The following CDC14A variants were observed in gnomAD, a reference collection of about 807,000 sequenced individuals.
The protein encoded by CDC14A is dual specificity protein phosphatase CDC14A.
A neutral mutation model predicts 74.4 loss-of-function variants in CDC14A; 53 were observed. The ratio of observed to expected loss-of-function variants is 0.71; its 90% CI spans 0.57 to 0.89. The LOEUF is 0.89. Ranked by LOEUF, CDC14A falls within the 40% of genes least tolerant of loss-of-function variation. The pLI is 0.00. For missense variants in CDC14A, 646 were observed against 713.7 expected, an observed-to-expected ratio of 0.91 and a Z score of 1.08; for synonymous variants, 247 against 258.4, an observed-to-expected ratio of 0.96 and a Z score of 0.43.
At position 100,395,280 on chromosome 1, in the gene CDC14A, A is replaced by G. The variant is rs560142135; in HGVS notation, c.309+4456A>G. On this transcript the variant is annotated intron_variant, in intron 4 of 15. Coordinates refer to ENST00000336454, the MANE Select transcript of CDC14A (RefSeq NM_003672.4). ...ATCCAACTGCCTGTTTGATAGCTCC[A>G]TATTATACATCTAAATGATACCTCA... 3.3e-5 allele frequency among the ~76,000 whole-genome samples: 5 copies of G among 152,346 alleles called. No individual in the cohort carries two copies. The South Asian group carries it at 1.0e-3, about 32-fold the overall frequency.
intron 8 of CDC14A, among the ~76,000 whole-genome samples, chr1:100,459,126 C>CACACACAGAGAG (rs1279905046): frequency 6.2e-5 from 9 of 144,576 alleles, no homozygotes; most frequent in African/African-American, 2.3e-4. Flanking sequence ...CACACACACA[C>CACACACAGAGAG]AGAGAGAGAG....
intron 4 of CDC14A, among the ~76,000 whole-genome samples, chr1:100,406,751 C>T (rs1004787545): frequency 1.3e-5 from 2 of 151,804 alleles, no homozygotes; most frequent in African/African-American, 2.4e-5. Context: ...GGTAAAACCC[C>T]GTCTCTACTA....
At chr1:100,368,320 A>G (rs1412179045) in intron 2 of CDC14A, among the ~76,000 whole-genome samples, 4 of 152,242 alleles carry the variant, frequency 2.6e-5, no homozygotes, top group Non-Finnish European at 5.9e-5. Flanking sequence ...TTAAATAGCC[A>G]TGACTAGTGG....
chr1:100,359,294 G>A (rs938354342), intron 2 of CDC14A, among the ~76,000 whole-genome samples: 1 of 152,198 alleles, frequency 6.6e-6, no homozygotes, highest in Non-Finnish European at 1.5e-5. Context: ...ACTTAACAAA[G>A]GAGGAAGTAG....
intron 3 of CDC14A, among the ~76,000 whole-genome samples, chr1:100,378,525 G>A (rs546145981): frequency 7.2e-5 from 11 of 152,178 alleles, no homozygotes; most frequent in African/African-American, 2.4e-4. Flanking sequence ...TTTTTGATTT[G>A]ATTGGTTTTT....
Position 100,495,006 on chromosome 1 carries a change from T to G in CDC14A, c.1250+76T>G, listed in dbSNP as rs1647577988. 1.2e-5 allele frequency: 9 copies of G among 735,614 alleles called. No individual in the cohort carries two copies. The East Asian group carries it at 2.2e-4, about 18-fold the overall frequency. 45.6% of individuals were successfully genotyped at this position (735,614 alleles called of 1,614,324 possible). ...AGAACATTTCATCTTCTCTTTAATC[T>G]GTAATCTTCTGTTTTGAATTTTGTT... is the stretch of plus-strand genomic sequence containing the variant. On this transcript the variant is annotated intron_variant, in intron 12 of 15. Coordinates refer to ENST00000336454, the MANE Select transcript of CDC14A (RefSeq NM_003672.4).
intron 5 of CDC14A, among the ~76,000 whole-genome samples, chr1:100,426,538 A>G (rs971495518): frequency 1.3e-5 from 2 of 152,192 alleles, no homozygotes; most frequent in African/African-American, 4.8e-5. Flanking sequence ...TTTTTCAAAT[A>G]TTTTTCACTC....
At chr1:100,489,997 C>G (rs1437941606) in intron 11 of CDC14A, among the ~76,000 whole-genome samples, 1 of 152,186 alleles carries the variant, frequency 6.6e-6, no homozygotes, top group African/African-American at 2.4e-5. Context: ...GTTCTTTAGT[C>G]ATCATGAAGA....
At chr1:100,440,448 C>T (rs972091013) in intron 6 of CDC14A, among the ~76,000 whole-genome samples, 41 of 152,228 alleles carry the variant, frequency 2.7e-4, no homozygotes, top group African/African-American at 9.4e-4. Context: ...TGATTTGATG[C>T]ACTCCAAAGT....
intron 15 of CDC14A, among the ~76,000 whole-genome samples, chr1:100,507,689 A>G (rs567235780): frequency 1.3e-5 from 2 of 150,888 alleles, no homozygotes; most frequent in Non-Finnish European, 3.0e-5. Context: ...TTTTTTTTTA[A>G]TAGAAGGAGT....
intron 4 of CDC14A, among the ~76,000 whole-genome samples, chr1:100,395,780 A>G (rs756549540): frequency 8.6e-5 from 13 of 152,000 alleles, no homozygotes; most frequent in Non-Finnish European, 1.2e-4. Context: ...GACCCTCTCT[A>G]CCTCTGTGGT....
At position 100,498,111 on chromosome 1, in the gene CDC14A, C is replaced by T. The variant is rs1266006814; in HGVS notation, c.1325C>T (p.Ala442Val). Reference protein sequence around the residue: ...FRLSSSLQGSAVTLKTSKMAL... With the variant: ...FRLSSSLQGSVVTLKTSKMAL... ...TTAAGTTCATCCCTGCAAGGATCTG[C>T]AGTTACTTTGAAGACATCAAAAATG... Residue 442 changes from alanine (A) to valine (V), a missense_variant, in exon 14 of 16, where the codon GCA (alanine) becomes GTA (valine). By Grantham distance (64) the Ala-to-Val change is moderately conservative (BLOSUM62 0). Transcript: ENST00000336454. 1 of 1,614,062 alleles carries T rather than the reference C, an allele frequency of 6.2e-7. No homozygotes were observed.
At chr1:100,456,177 CT>C (rs1314888349) in intron 8 of CDC14A, among the ~76,000 whole-genome samples, 1 of 152,140 alleles carries the variant, frequency 6.6e-6, no homozygotes, top group Non-Finnish European at 1.5e-5. Context: ...GGTTAAACTA[CT>C]TATTTGCAGC....
intron 11 of CDC14A, 113 bp from the exon 12 acceptor site, chr1:100,494,705 A>G (rs1647514291): frequency 5.1e-5 from 29 of 568,276 alleles, no homozygotes; most frequent in South Asian, 3.5e-4. Context: ...ACCTTTAGTG[A>G]CTTAATCTAT....
At chr1:100,386,027 C>T (rs929967562) in intron 3 of CDC14A, among the ~76,000 whole-genome samples, 2 of 151,788 alleles carry the variant, frequency 1.3e-5, no homozygotes, top group Non-Finnish European at 2.9e-5. Flanking sequence ...ATTAGCCAGG[C>T]GTGGTGTCAC....
chr1:100,389,757 G>A (rs1657429812), intron 3 of CDC14A, among the ~76,000 whole-genome samples: 1 of 152,098 alleles, frequency 6.6e-6, no homozygotes, highest in African/African-American at 2.4e-5. Context: ...GATAGAAAAA[G>A]CTGCTTTTAT....
chr1:100,412,615 AG>A (rs1660856773), intron 4 of CDC14A, among the ~76,000 whole-genome samples: 1 of 144,976 alleles, frequency 6.9e-6, no homozygotes, highest in South Asian at 2.1e-4. Context: ...GGAAGTAGTG[AG>A]GTCTGCCTAC....
At chr1:100,459,535 T>A (rs1275227034) in intron 8 of CDC14A, among the ~76,000 whole-genome samples, 2 of 152,252 alleles carry the variant, frequency 1.3e-5, no homozygotes, top group Non-Finnish European at 2.9e-5. Flanking sequence ...TTACTTTTAA[T>A]AATGACTGAG....
chr1:100,470,558 G>A (rs918351659), intron 10 of CDC14A, among the ~76,000 whole-genome samples: 83 of 152,072 alleles, frequency 5.5e-4, no homozygotes, highest in African/African-American at 1.9e-3. Context: ...CTAATTAAAA[G>A]ACACACAGTA....
Sources: allele counts gnomAD v4.1 joint callset (sites outside exome capture counted in the v4.1 genomes callset), GRCh38; gene constraint gnomAD v4.1.1; transcripts MANE v1.5; gene names NCBI Gene and HGNC (gene_info 2026-07-23, HGNC 2026-07-21).